NEGR1: variants seen among roughly 807,000 people sequenced by gnomAD.
NEGR1 encodes the protein IgLON family member 4.
Under a neutral mutation model 40.9 loss-of-function variants are expected in NEGR1, and 10 were observed. The ratio of observed to expected loss-of-function variants is 0.24; its 90% CI spans 0.15 to 0.42. The LOEUF is 0.42. Among genes scored for constraint, NEGR1 ranks in the 10% least tolerant of loss-of-function variants. The pLI is 1.00. For missense variants in NEGR1, 352 were observed against 438.9 expected, an observed-to-expected ratio of 0.80 and a Z score of 1.77; for synonymous variants, 185 against 166.8, an observed-to-expected ratio of 1.11 and a Z score of -0.84.
chr1:72,049,313 G>C (rs368337949), intron 1 of NEGR1, among the ~76,000 whole-genome samples: 1 of 151,396 alleles, frequency 6.6e-6, no homozygotes, highest in African/African-American at 2.4e-5. Context: ...TTCTAGCCTG[G>C]GCAAAAGAGT....
chr1:71,720,371 T>C (rs1376140568), intron 3 of NEGR1, among the ~76,000 whole-genome samples: 1 of 152,178 alleles, frequency 6.6e-6, no homozygotes, highest in Admixed American at 6.5e-5. Flanking sequence ...GTTAGTAGTG[T>C]ACCAACGAGC....
At chr1:71,656,866 A>G (rs1651895583) in intron 4 of NEGR1, among the ~76,000 whole-genome samples, 1 of 151,702 alleles carries the variant, frequency 6.6e-6, no homozygotes, top group South Asian at 2.1e-4. Flanking sequence ...AGGCTCTGGG[A>G]TATTTTGATT....
chr1:71,821,607 C>G (rs565490352), intron 2 of NEGR1, among the ~76,000 whole-genome samples: 1 of 151,838 alleles, frequency 6.6e-6, no homozygotes, highest in Non-Finnish European at 1.5e-5. Flanking sequence ...ACTTGGACCA[C>G]GTAATTTGGT....
intron 1 of NEGR1, among the ~76,000 whole-genome samples, chr1:72,172,928 G>A (rs1473171098): frequency 6.6e-6 from 1 of 152,056 alleles, no homozygotes; most frequent in Non-Finnish European, 1.5e-5. Flanking sequence ...CTCTTCCCTT[G>A]TGATTACCTT....
At chr1:71,955,120 A>G (rs1646109026) in intron 1 of NEGR1, among the ~76,000 whole-genome samples, 1 of 152,158 alleles carries the variant, frequency 6.6e-6, no homozygotes, top group Non-Finnish European at 1.5e-5. Context: ...ACTACAAAGT[A>G]CAATTCTAAG....
rs531826282 is a variant in NEGR1 at position 71,935,943 on chromosome 1, C to T, written c.177-632G>A. ...CCTCCCTAGTAGCTGGGATTACAAG[C>T]GCCTGCCACTGTGCCCAGCTAATTT... On this transcript the variant is annotated intron_variant, in intron 1 of 6. Transcript: ENST00000357731. Among the ~76,000 whole-genome samples the T allele has an allele frequency of 3.3e-5, 5 of 152,142 alleles. No homozygotes were observed. The East Asian group carries it at 9.7e-4, about 29-fold the overall frequency.
At chr1:72,239,914 T>C (rs1654679657) in intron 1 of NEGR1, among the ~76,000 whole-genome samples, 1 of 151,792 alleles carries the variant, frequency 6.6e-6, no homozygotes, top group Admixed American at 6.6e-5. Flanking sequence ...TATGAAATGG[T>C]ACAAAGTGTC....
intron 1 of NEGR1, among the ~76,000 whole-genome samples, chr1:72,259,380 C>A (rs867398583): frequency 2.6e-5 from 4 of 151,938 alleles, no homozygotes; most frequent in African/African-American, 9.7e-5. Flanking sequence ...CCTTTATATG[C>A]TGTTTTACTC....
At chr1:72,172,073 T>C (rs953664262) in intron 1 of NEGR1, among the ~76,000 whole-genome samples, 3 of 152,156 alleles carry the variant, frequency 2.0e-5, no homozygotes, top group Non-Finnish European at 4.4e-5. Context: ...ACTAAACATT[T>C]TGATATTATG....
chr1:71,445,870 C>T (rs59257965), intron 6 of NEGR1, among the ~76,000 whole-genome samples: 4,095 of 152,148 alleles, frequency 0.027, 189 homozygotes, highest in African/African-American at 0.093. Flanking sequence ...TGTGATATTC[C>T]GGTGCTAAAG....
At chr1:72,099,752 T>C (rs889619320) in intron 1 of NEGR1, among the ~76,000 whole-genome samples, 4 of 151,950 alleles carry the variant, frequency 2.6e-5, no homozygotes, top group African/African-American at 9.7e-5. Flanking sequence ...AATAATAAAA[T>C]AGATTTTATT....
At chr1:71,501,866 TATTA>T (rs757939495) in intron 6 of NEGR1, among the ~76,000 whole-genome samples, 7 of 152,334 alleles carry the variant, frequency 4.6e-5, no homozygotes, top group Non-Finnish European at 8.8e-5. Flanking sequence ...AAATAAAGCA[TATTA>T]ATTACTTATA....
chr1:71,651,830 A>G (rs1007204033), intron 4 of NEGR1, among the ~76,000 whole-genome samples: 1 of 152,138 alleles, frequency 6.6e-6, no homozygotes, highest in African/African-American at 2.4e-5. Context: ...AGTATTTTTC[A>G]TACGTTATTG....
intron 1 of NEGR1, among the ~76,000 whole-genome samples, chr1:72,180,757 G>A (rs549799965): frequency 6.6e-6 from 1 of 152,048 alleles, no homozygotes; most frequent in South Asian, 2.1e-4. Context: ...ACTACTATGA[G>A]ATACCACCTC....
At chr1:71,482,907 G>A (rs996641679) in intron 6 of NEGR1, among the ~76,000 whole-genome samples, 4 of 151,814 alleles carry the variant, frequency 2.6e-5, no homozygotes, top group African/African-American at 9.7e-5. Context: ...TTTTAGTTGA[G>A]GAGGGCAAAG....
chr1:72,193,588 A>G (rs921179794), intron 1 of NEGR1, among the ~76,000 whole-genome samples: 5 of 151,640 alleles, frequency 3.3e-5, no homozygotes, highest in Non-Finnish European at 7.4e-5. Flanking sequence ...AAGGATCCTT[A>G]AAAGATCAAA....
At position 71,401,351 on chromosome 1, in the gene NEGR1, A is replaced by G. The variant is rs1177101748; in HGVS notation, c.*6095T>C. 1 of 152,112 alleles carries G rather than the reference A, an allele frequency of 6.6e-6. No individual in the cohort carries two copies. The highest frequency in any genetic ancestry group is 1.5e-5 in the Non-Finnish European group (1 of 68,004). The allele number at this position is 152,112 out of a possible 1,614,324, so 9.4% of individuals were successfully genotyped here. ...GATCTATAAATGTGTATGTTCTTTA[A>G]ATTATCCTTTTATCTGGTTGTAATG... On this transcript the variant is annotated 3_prime_UTR_variant, in exon 7 of 7. Coordinates refer to ENST00000357731, the MANE Select transcript of NEGR1 (RefSeq NM_173808.3).
rs1398029751 is a variant in NEGR1 at position 71,991,459 on chromosome 1, T to C, written c.177-56148A>G. ...TACATTTTAAACAGATCACTTTTCC[T>C]GCTTCCGTATTTTGGCTAATGCTGT... is the stretch of plus-strand genomic sequence containing the variant. On this transcript the variant is annotated intron_variant, in intron 1 of 6. Transcript: ENST00000357731. Among the ~76,000 whole-genome samples, 3 of 152,190 alleles carry C rather than the reference T, an allele frequency of 2.0e-5. No homozygotes were observed. In the East Asian group the frequency reaches 5.8e-4, roughly 29 times the overall value.
chr1:72,244,768 T>C (rs1654853440), intron 1 of NEGR1, among the ~76,000 whole-genome samples: 1 of 151,998 alleles, frequency 6.6e-6, no homozygotes, highest in Admixed American at 6.6e-5. Context: ...TCTTTCTATT[T>C]AAAGATATCT....
Sources: gnomAD v4.1 joint callset for allele counts (sites outside exome capture counted in the v4.1 genomes callset) on GRCh38, gnomAD v4.1.1 for gene constraint, MANE v1.5 for transcripts, NCBI Gene and HGNC (gene_info 2026-07-23, HGNC 2026-07-21) for gene names.